ANKRD28: variants seen among roughly 807,000 people sequenced by gnomAD.
ANKRD28 encodes ankyrin repeat domain 28.
A neutral mutation model predicts 126.5 loss-of-function variants in ANKRD28; 44 were observed. The observed-to-expected ratio is 0.35, with a 90% confidence interval of 0.27 to 0.45. ANKRD28 has a LOEUF of 0.45. ANKRD28 is among the 20% of genes least tolerant of loss of function. The pLI is 1.00. For synonymous variants in ANKRD28, 442 were observed against 468.5 expected (o/e 0.94, Z 0.73); for missense variants, 1,110 against 1,316.6 (o/e 0.84, Z 2.43).
chr3:15,702,935 T>A (rs1014172554), intron 14 of ANKRD28, among the ~76,000 whole-genome samples: 4 of 152,192 alleles, frequency 2.6e-5, no homozygotes, highest in East Asian at 1.9e-4. Context: ...TAAACCATTT[T>A]AAACTCTACA....
At chr3:15,676,285 T>TAC (rs754300228) in intron 26 of ANKRD28, 3 of 274,386 alleles carry the variant, frequency 1.1e-5, no homozygotes, top group Non-Finnish European at 2.0e-5. Context: ...AAAAACATTT[T>TAC]ACCATTGAAA....
chr3:15,720,617 C>T (rs1211895715), intron 8 of ANKRD28, among the ~76,000 whole-genome samples: 1 of 152,010 alleles, frequency 6.6e-6, no homozygotes, highest in Non-Finnish European at 1.5e-5. Flanking sequence ...ACATAACGTC[C>T]CTTCATGCCC....
rs1169695104 is a variant in ANKRD28 at position 15,830,472 on chromosome 3, T to G, written c.27+28905A>C. Reference sequence around the variant, plus strand: ...TTCTCATAGGACTGCCAATCCTATTTTGAATTGCACATCTGAGGGATCTAG... The same window carrying G: ...TTCTCATAGGACTGCCAATCCTATTGTGAATTGCACATCTGAGGGATCTAG... On this transcript the variant is annotated intron_variant, in intron 1 of 27. Coordinates refer to the ANKRD28 transcript ENST00000399451. The surrounding 1 kb of genome is among the most constrained non-coding windows in gnomAD (Gnocchi z 4.5). Among the ~76,000 whole-genome samples the G allele has an allele frequency of 3.9e-5, 6 of 152,148 alleles. No individual in the cohort carries two copies. The highest frequency in any genetic ancestry group is 3.9e-4 in the Admixed American group (6 of 15,284).
At chr3:15,714,911 T>A (rs966212543) in intron 8 of ANKRD28, among the ~76,000 whole-genome samples, 1 of 152,182 alleles carries the variant, frequency 6.6e-6, no homozygotes, top group African/African-American at 2.4e-5. Flanking sequence ...AGTAAGGATG[T>A]GTCTCCCAAG....
At chr3:15,712,550 C>T (rs2072453122) in intron 10 of ANKRD28, among the ~76,000 whole-genome samples, 2 of 152,210 alleles carry the variant, frequency 1.3e-5, no homozygotes, top group Admixed American at 1.3e-4. Context: ...ACATTAACAC[C>T]TTCCTCCCCA....
chr3:15,724,566 T>C (rs1270060983), intron 6 of ANKRD28, 42 bp from the exon 7 acceptor site: 7 of 1,507,714 alleles, frequency 4.6e-6, no homozygotes, highest in Admixed American at 2.2e-5. Flanking sequence ...GATGAGCATA[T>C]GAAAACTATT....
At chr3:15,831,327 A>G (rs918747737) in intron 1 of ANKRD28, among the ~76,000 whole-genome samples, 1 of 152,212 alleles carries the variant, frequency 6.6e-6, no homozygotes, top group Admixed American at 6.5e-5. Context: ...ACTATTGTGC[A>G]TATGTGCACA....
At position 15,676,954 on chromosome 3, in the gene ANKRD28, T is replaced by C. The variant is rs545958047; in HGVS notation, c.2873+20A>G. The stretch of plus-strand genomic sequence containing the variant: ...TAATTATAGGTCACAAAGTTTATAC[T>C]AGATACTGACAGTACTCACGTTTGC... On this transcript the variant is annotated intron_variant, in intron 26 of 27. Transcript: ENST00000683139. The C allele has an allele frequency of 3.1e-6, 5 of 1,593,784 alleles. No homozygotes were observed. Among genetic ancestry groups the C allele is most frequent in the Non-Finnish European group, 4.3e-6 (5 of 1,162,510 alleles).
At chr3:15,772,815 T>C (rs2059083191) in intron 2 of ANKRD28, among the ~76,000 whole-genome samples, 2 of 152,148 alleles carry the variant, frequency 1.3e-5, no homozygotes. Flanking sequence ...GCCTCCTGAG[T>C]AGCTGAGATT....
rs972079163 is a variant in ANKRD28, at chr3:15,675,889, C to T, written c.2965+9G>A. 4 of 1,599,682 alleles carry T rather than the reference C, an allele frequency of 2.5e-6. No homozygotes were observed. The highest frequency in any genetic ancestry group is 1.7e-5 in the Admixed American group (1 of 59,064). ...TAGGTTAAGGGAAGAGAATATAGAA[C>T]CAACTTACCATTTTCATCTACTGCA... is the stretch of plus-strand genomic sequence containing the variant. On this transcript the variant is annotated intron_variant, in intron 27 of 27. Transcript: ENST00000683139.
chr3:15,724,236 A>G, intron 7 of ANKRD28, 146 bp downstream of exon 7: 1 of 669,532 alleles, frequency 1.5e-6, no homozygotes, highest in Non-Finnish European at 2.4e-6. Flanking sequence ...AGTGCACTAG[A>G]TATTATGTAA....
intron 2 of ANKRD28, among the ~76,000 whole-genome samples, chr3:15,772,673 T>TA (rs1430072833): frequency 6.6e-6 from 1 of 152,164 alleles, no homozygotes; most frequent in Non-Finnish European, 1.5e-5. Flanking sequence ...TCATGATTTT[T>TA]AAAAAAATTA....
chr3:15,844,904 T>C (rs1184201827), intron 1 of ANKRD28, among the ~76,000 whole-genome samples: 4 of 152,176 alleles, frequency 2.6e-5, no homozygotes, highest in Non-Finnish European at 5.9e-5. Flanking sequence ...GGCTCACAGT[T>C]TGGCAGGTTG....
chr3:15,850,204 A>AAAAATATATATATATATAT (rs1486394619), intron 1 of ANKRD28, among the ~76,000 whole-genome samples: 10 of 54,828 alleles, frequency 1.8e-4, no homozygotes, highest in Non-Finnish European at 3.1e-4. Context: ...AAAAAAAAAA[A>AAAAATATATATATATATAT]ATATATATAT....
intron 13 of ANKRD28, 55 bp from the exon 14 acceptor site, chr3:15,708,119 A>T: frequency 6.5e-7 from 1 of 1,539,816 alleles, no homozygotes; most frequent in East Asian, 2.4e-5. Context: ...TAACTAGTAA[A>T]CAAAAGCATA....
chr3:15,842,290 T>A (rs2061438857), intron 1 of ANKRD28, among the ~76,000 whole-genome samples: 1 of 151,966 alleles, frequency 6.6e-6, no homozygotes, highest in South Asian at 2.1e-4. Flanking sequence ...TTCAGTGAAA[T>A]AAGCCAGGCA....
intron 17 of ANKRD28, among the ~76,000 whole-genome samples, chr3:15,692,946 G>C: frequency 6.6e-6 from 1 of 152,182 alleles, no homozygotes; most frequent in African/African-American, 2.4e-5. Context: ...AGGAAATTCA[G>C]CCACATGCTA....
At chr3:15,802,238 AGAT>A (rs1353186971), upstream of ANKRD28, among the ~76,000 whole-genome samples, 11 of 152,302 alleles carry the variant, frequency 7.2e-5, no homozygotes, top group African/African-American at 2.6e-4. Flanking sequence ...CCTGGAACAA[AGAT>A]GATTGGCCAC....
In ANKRD28 at chr3:15,696,210, G is replaced by A; in HGVS notation, c.1583C>T (p.Pro528Leu). 1 of 1,590,790 alleles carries A rather than the reference G, an allele frequency of 6.3e-7. No individual in the cohort carries two copies. The highest frequency in any genetic ancestry group is 1.8e-5 in the Admixed American group (1 of 57,126). Residue 528 changes from proline (P) to leucine (L), a missense_variant, in exon 15 of 28, where the codon CCA (proline) becomes CTA (leucine). Transcript: ENST00000683139. Reference protein sequence around the residue: ...LEYLLRNDANPGIRDKQGYNA... With the variant: ...LEYLLRNDANLGIRDKQGYNA... ...GTATCCTTGCTTATCACGGATCCCTGGATTTGCATCGTTTCTTAATAAGTA... is the reference window on the plus strand; with the variant it reads ...GTATCCTTGCTTATCACGGATCCCTAGATTTGCATCGTTTCTTAATAAGTA...
Sources: allele counts gnomAD v4.1 joint callset (sites outside exome capture counted in the v4.1 genomes callset), GRCh38; gene constraint gnomAD v4.1.1; non-coding constraint Gnocchi (gnomAD v3.1); transcripts MANE v1.5; gene names NCBI Gene and HGNC (gene_info 2026-07-23, HGNC 2026-07-21).